Variants in ZNF385C observed in about 807,000 individuals in gnomAD.
ZNF385C encodes the protein CTD-2132N18.2.
ZNF385C carries 28 observed loss-of-function variants against 35.4 expected under a neutral mutation model. The observed-to-expected ratio is 0.79, with a 90% confidence interval of 0.59 to 1.08. The LOEUF is 1.08. Ranked by LOEUF, ZNF385C falls within the 50% of genes least tolerant of loss-of-function variation. The probability of loss-of-function intolerance (pLI) is 0.00; values close to 1 mark genes in which losing one functional copy is unlikely to be tolerated. For missense variants in ZNF385C, 605 were observed against 595.6 expected (o/e 1.02, Z -0.16); for synonymous variants, 248 against 248.2 (o/e 1.00, Z 0.01).
At chr17:42,027,554 G>GGCCCCCCCCCCC in intron 8 of ZNF385C, 64 bp downstream of exon 8, 29 of 556,868 alleles carry the variant, frequency 5.2e-5, no homozygotes, top group East Asian at 6.9e-5. Context: ...CCCCCATCTG[G>GGCCCCCCCCCCC]CCCTCCCAGC....
At chr17:42,085,483 G>T (rs559865552) in intron 1 of ZNF385C, among the ~76,000 whole-genome samples, 1 of 147,026 alleles carries the variant, frequency 6.8e-6, no homozygotes, top group Non-Finnish European at 1.5e-5. Context: ...ACAGGGTTTC[G>T]CCATGTTGCC....
At position 42,031,645 on chromosome 17, in the gene ZNF385C, C is replaced by T; in HGVS notation, c.650G>A (p.Gly217Glu). 5.2e-6 allele frequency: 8 copies of T among 1,550,630 alleles called. No homozygotes were observed. Among genetic ancestry groups the T allele is most frequent in the Non-Finnish European group, 7.0e-6 (8 of 1,147,002 alleles). Reference protein sequence around the residue: ...VVSPIPTLASGAPGEPQSKVP... With the variant: ...VVSPIPTLASEAPGEPQSKVP... Reference sequence around the variant, plus strand: ...TTTACTCTGTGGCTCTCCAGGGGCTCCACTGGCCAGCGTTGGGATTGGGGA... The same window carrying T: ...TTTACTCTGTGGCTCTCCAGGGGCTTCACTGGCCAGCGTTGGGATTGGGGA... Residue 217 changes from glycine (G) to glutamate (E), a missense_variant, in exon 5 of 9, where the codon GGA becomes GAA. Coordinates refer to ENST00000692273, the MANE Select transcript of ZNF385C (RefSeq NM_001392013.1).
intron 2 of ZNF385C, among the ~76,000 whole-genome samples, chr17:42,048,435 C>T (rs868989090): frequency 1.3e-5 from 2 of 151,650 alleles, no homozygotes; most frequent in Non-Finnish European, 2.9e-5. Context: ...GTCCCAGCTA[C>T]TCGGGAAGCT....
chr17:42,038,115 A>C (rs1317060433), intron 2 of ZNF385C: 5 of 1,519,624 alleles, frequency 3.3e-6, no homozygotes, highest in Non-Finnish European at 4.4e-6. Flanking sequence ...CCCAGCCCAG[A>C]GGGATGACCC....
At chr17:42,079,201 A>T (rs144251952) in intron 1 of ZNF385C, among the ~76,000 whole-genome samples, 26,351 of 128,252 alleles carry the variant, frequency 0.21, 3,176 homozygotes, top group Admixed American at 0.32. Context: ...AAAAAAAAAA[A>T]AAATATATAT....
intron 1 of ZNF385C, among the ~76,000 whole-genome samples, chr17:42,066,485 G>A (rs1197724778): frequency 6.6e-6 from 1 of 152,136 alleles, no homozygotes; most frequent in Non-Finnish European, 1.5e-5. Context: ...GTTTGTTGAG[G>A]TGAATCTATG....
At position 42,028,877 on chromosome 17, in the gene ZNF385C, C is replaced by T. The variant is rs782087247; in HGVS notation, c.873G>A (p.Met291Ile). ...CCTTCTCACTCCTGCCTTCCCCACTCATGCTGCTTCCCACGGCAGCTGCCG... is the reference window on the plus strand; with the variant it reads ...CCTTCTCACTCCTGCCTTCCCCACTTATGCTGCTTCCCACGGCAGCTGCCG... The part of the protein sequence containing the change: ...EPAAAAVGSS[M>I]SGEGRSEKGH... Residue 291 changes from methionine to isoleucine, a missense_variant, in exon 6 of 9, where the codon ATG (methionine) becomes ATA (isoleucine). Physicochemically the swap from Met to Ile is conservative, Grantham distance 10. Transcript: ENST00000692273. 2 of 1,550,620 alleles carry T rather than the reference C, an allele frequency of 1.3e-6. No homozygotes were observed. The highest frequency in any genetic ancestry group is 1.7e-6 in the Non-Finnish European group (2 of 1,146,996).
At chr17:42,041,145 C>T in intron 2 of ZNF385C, 2 of 1,232,332 alleles carry the variant, frequency 1.6e-6, no homozygotes, top group South Asian at 4.1e-5. Context: ...GGGATGCCTT[C>T]AGGCGCTGGC....
Position 42,050,125 on chromosome 17 carries a change from TCTC to T in ZNF385C, c.251-12243_251-12241del, listed in dbSNP as rs2053250177. On this transcript the variant is annotated intron_variant, in intron 2 of 8. Coordinates refer to ENST00000692273, the MANE Select transcript of ZNF385C (RefSeq NM_001392013.1). This position sits in a 1 kb window ranked among gnomAD's most constrained non-coding sequence, Gnocchi z 5.6. ...AGGGCACACTTGCTGCAGACACAGG[TCTC>T]CTCTCATTTCTCTCCACACCCTGAC... Among the ~76,000 whole-genome samples, 1 of 152,018 alleles carries T rather than the reference TCTC, an allele frequency of 6.6e-6. No homozygotes were observed. Among genetic ancestry groups the T allele is most frequent in the African/African-American group, 2.4e-5 (1 of 41,406 alleles).
At chr17:42,059,093 C>T (rs1555657793) in intron 2 of ZNF385C, among the ~76,000 whole-genome samples, 1 of 152,170 alleles carries the variant, frequency 6.6e-6, no homozygotes, top group Non-Finnish European at 1.5e-5. Context: ...GTTCACCAGG[C>T]CAATGGAGAA....
chr17:42,043,958 A>G (rs1314134587), intron 2 of ZNF385C, among the ~76,000 whole-genome samples: 1 of 151,984 alleles, frequency 6.6e-6, no homozygotes, highest in Non-Finnish European at 1.5e-5. Flanking sequence ...ACTAAAACTC[A>G]GAACTCTCAA....
intron 2 of ZNF385C, among the ~76,000 whole-genome samples, chr17:42,055,375 C>A (rs570175379): frequency 6.6e-6 from 1 of 152,098 alleles, no homozygotes; most frequent in Admixed American, 6.5e-5. Context: ...TGTACCCAGA[C>A]AGCCTTGCTT....
intron 1 of ZNF385C, among the ~76,000 whole-genome samples, chr17:42,082,205 G>T (rs782492383): frequency 6.6e-6 from 1 of 152,180 alleles, no homozygotes; most frequent in Non-Finnish European, 1.5e-5. Context: ...GCTCCTAGAG[G>T]TAAGGCCAAC....
intron 8 of ZNF385C, 64 bp downstream of exon 8, chr17:42,027,554 G>C: frequency 1.8e-6 from 1 of 556,882 alleles, no homozygotes; most frequent in Non-Finnish European, 3.3e-6. Flanking sequence ...CCCCCATCTG[G>C]CCCTCCCAGC....
At chr17:42,060,554 C>T (rs2053444610) in intron 2 of ZNF385C, among the ~76,000 whole-genome samples, 2 of 152,144 alleles carry the variant, frequency 1.3e-5, no homozygotes, top group Non-Finnish European at 2.9e-5. Context: ...CTCCTGATGA[C>T]CCCTAAGATG....
At chr17:42,027,820 A>G in intron 7 of ZNF385C, 92 bp from the exon 8 acceptor site, 2 of 1,372,888 alleles carry the variant, frequency 1.5e-6, no homozygotes, top group Non-Finnish European at 2.1e-6. Flanking sequence ...CTCTATCCAC[A>G]GCTCATACAT....
intron 1 of ZNF385C, among the ~76,000 whole-genome samples, chr17:42,068,549 G>A (rs539322099): frequency 2.6e-5 from 4 of 152,234 alleles, no homozygotes; most frequent in Non-Finnish European, 4.4e-5. Context: ...GTTTGACTAC[G>A]TTTCCCAGGC....
chr17:42,036,965 GT>G (rs1176021931), intron 3 of ZNF385C, among the ~76,000 whole-genome samples: 1 of 152,134 alleles, frequency 6.6e-6, no homozygotes, highest in Admixed American at 6.6e-5. Flanking sequence ...AACAGAGATG[GT>G]TGCTGATCCC....
intron 1 of ZNF385C, among the ~76,000 whole-genome samples, chr17:42,090,056 C>A (rs558964501): frequency 1.7e-4 from 26 of 152,140 alleles, no homozygotes; most frequent in Non-Finnish European, 3.4e-4. Context: ...AACTCCCCAC[C>A]TTCCAGCCAC....
Sources: gnomAD v4.1 joint callset for allele counts (sites outside exome capture counted in the v4.1 genomes callset) on GRCh38, gnomAD v4.1.1 for gene constraint, Gnocchi (gnomAD v3.1) non-coding constraint, MANE v1.5 for transcripts, NCBI Gene and HGNC (gene_info 2026-07-23, HGNC 2026-07-21) for gene names.